Variants in TRPC5 observed in about 807,000 individuals in gnomAD.
TRPC5 encodes transient receptor potential cation channel subfamily C member 5, also known as short transient receptor potential channel 5.
In TRPC5, 9 loss-of-function variants were observed where a neutral mutation model predicts 56.5. The ratio of observed to expected loss-of-function variants is 0.16; its 90% CI spans 0.10 to 0.28. TRPC5 has a LOEUF of 0.28. Among genes scored for constraint, TRPC5 ranks in the 10% least tolerant of loss-of-function variants. The pLI, the probability that TRPC5 is intolerant of heterozygous loss-of-function variation, is 1.00. For synonymous variants in TRPC5, 282 were observed against 278.5 expected (o/e 1.01, Z -0.13); for missense variants, 469 against 748.9 (o/e 0.63, Z 4.36).
intron 2 of TRPC5, among the ~76,000 whole-genome samples, chrX:111,917,253 G>A (rs1006029502): frequency 2.7e-5 from 3 of 112,394 alleles, no homozygotes; most frequent in Admixed American, 9.4e-5. Flanking sequence ...CAGATAACCC[G>A]CTCTCGCCAG....
chrX:112,029,117 C>G (rs930706905), intron 1 of TRPC5, among the ~76,000 whole-genome samples: 23 of 110,956 alleles, frequency 2.1e-4, no homozygotes, highest in African/African-American at 7.2e-4. Context: ...GCCAATTAAC[C>G]ATCCCCACCC....
At chrX:111,886,869 T>C (rs754119653) in intron 3 of TRPC5, among the ~76,000 whole-genome samples, 1 of 112,892 alleles carries the variant, frequency 8.9e-6, no homozygotes, top group Admixed American at 9.3e-5. Context: ...TCTTCCACTA[T>C]GTTATCCTGA....
intron 2 of TRPC5, among the ~76,000 whole-genome samples, chrX:111,924,660 G>A (rs1177652871): frequency 1.8e-5 from 2 of 112,223 alleles, no homozygotes; most frequent in Non-Finnish European, 3.8e-5. Flanking sequence ...TGATACAATT[G>A]GAGGATAAGG....
chrX:111,928,368 T>C (rs1926316940), intron 2 of TRPC5, among the ~76,000 whole-genome samples: 1 of 112,229 alleles, frequency 8.9e-6, no homozygotes, highest in Admixed American at 9.4e-5. Flanking sequence ...CCAAACATAA[T>C]CTGTGACAAG....
chrX:111,876,713 C>T (rs1482202561), intron 3 of TRPC5, among the ~76,000 whole-genome samples: 1 of 111,492 alleles, frequency 9.0e-6, no homozygotes, highest in Non-Finnish European at 1.9e-5. Flanking sequence ...ACCCAGAATT[C>T]CCTGGCAATA....
chrX:111,912,632 C>T lies in TRPC5; in HGVS notation c.559G>A (p.Val187Ile). The T allele has an allele frequency of 8.3e-7, 1 of 1,211,437 alleles. No homozygotes were observed. The highest frequency in any genetic ancestry group is 1.1e-6 in the Non-Finnish European group (1 of 895,415). Residue 187 changes from valine to isoleucine, a missense_variant, in exon 3 of 11, where the codon GTA (valine) becomes ATA (isoleucine). Physicochemically the swap from Val to Ile is conservative, Grantham distance 29. Transcript: ENST00000262839. ...NCVECVSSSE[V>I]DSLRHSRSRL... ...GAGCGAGAGTGGCGCAGGCTGTCTA[C>T]CTCTGAACTAGACACACACTCCACA...
intron 3 of TRPC5, among the ~76,000 whole-genome samples, chrX:111,898,690 A>G (rs929394858): frequency 2.7e-5 from 3 of 110,788 alleles, no homozygotes; most frequent in Non-Finnish European, 5.7e-5. Flanking sequence ...AAGGTGAGAG[A>G]CAGAAAAACA....
At chrX:111,855,955 G>C (rs997456846) in intron 3 of TRPC5, among the ~76,000 whole-genome samples, 2 of 112,061 alleles carry the variant, frequency 1.8e-5, no homozygotes, top group Non-Finnish European at 3.8e-5. Flanking sequence ...GGACAAATCT[G>C]GATTGCTTAG....
At chrX:111,921,541 G>A (rs190720195) in intron 2 of TRPC5, among the ~76,000 whole-genome samples, 3 of 110,229 alleles carry the variant, frequency 2.7e-5, no homozygotes, top group African/African-American at 6.6e-5. Context: ...ATCAAATTTC[G>A]CCTTCTCTTT....
chrX:111,880,798 T>C (rs1381844852), intron 3 of TRPC5, among the ~76,000 whole-genome samples: 1 of 112,469 alleles, frequency 8.9e-6, no homozygotes, highest in East Asian at 2.8e-4. Flanking sequence ...ATGAAGCTAA[T>C]AGACAAGAAT....
intron 3 of TRPC5, among the ~76,000 whole-genome samples, chrX:111,867,241 TCTC>T (rs1401715751): frequency 9.0e-6 from 1 of 111,590 alleles, no homozygotes; most frequent in African/African-American, 3.3e-5. Context: ...ACCCCTTTGA[TCTC>T]CTGTTACCAC....
chrX:111,905,548 T>C (rs1171380322), intron 3 of TRPC5, among the ~76,000 whole-genome samples: 1 of 112,141 alleles, frequency 8.9e-6, no homozygotes, highest in Non-Finnish European at 1.9e-5. Flanking sequence ...AGGTTGGAAC[T>C]GCATTTTACA....
intron 3 of TRPC5, among the ~76,000 whole-genome samples, chrX:111,866,815 G>A: frequency 8.9e-6 from 1 of 112,580 alleles, no homozygotes; most frequent in East Asian, 2.8e-4. Context: ...TTCTACAGCT[G>A]TCTAAAGGAT....
intron 1 of TRPC5, among the ~76,000 whole-genome samples, chrX:112,056,008 A>G (rs190189795): frequency 6.2e-4 from 69 of 111,499 alleles, no homozygotes; most frequent in Middle Eastern, 4.7e-3. Flanking sequence ...GAGCATCAAG[A>G]TAGGGTGAAG....
At chrX:111,955,345 A>G (rs922320934) in intron 1 of TRPC5, among the ~76,000 whole-genome samples, 2 of 111,949 alleles carry the variant, frequency 1.8e-5, no homozygotes, top group African/African-American at 6.5e-5. Flanking sequence ...ATAATAAATC[A>G]CATGGCTAAA....
At chrX:112,012,264 G>A (rs964787882) in intron 1 of TRPC5, among the ~76,000 whole-genome samples, 1 of 111,950 alleles carries the variant, frequency 8.9e-6, no homozygotes, top group African/African-American at 3.2e-5. Flanking sequence ...GGGTTTGTCG[G>A]TAAAATGGTC....
intron 1 of TRPC5, among the ~76,000 whole-genome samples, chrX:111,969,046 T>TAACAA (rs1385443522): frequency 9.6e-6 from 1 of 104,708 alleles, no homozygotes; most frequent in African/African-American, 3.4e-5. Flanking sequence ...AATAAATAAA[T>TAACAA]AACAAAACAA....
intron 1 of TRPC5, among the ~76,000 whole-genome samples, chrX:112,038,658 G>A (rs187307672): frequency 9.0e-6 from 1 of 111,062 alleles, no homozygotes; most frequent in African/African-American, 3.3e-5. Context: ...TCTGAATCAA[G>A]TCCTATAGGG....
chrX:112,082,190 C>G lies in TRPC5; in HGVS notation c.-333G>C, dbSNP rs1930986573. ...TTCGCCAGTGCCCTGAAACTCTTTG[C>G]TCTACCAATGTCCCTACCCTGTTCT... is the stretch of plus-strand genomic sequence containing the variant. On this transcript the variant is annotated 5_prime_UTR_variant, in exon 1 of 11. Coordinates refer to ENST00000262839, the MANE Select transcript of TRPC5 (RefSeq NM_012471.3). 1 of 111,752 alleles carries G rather than the reference C, an allele frequency of 8.9e-6. No individual in the cohort carries two copies. Among genetic ancestry groups the G allele is most frequent in the Admixed American group, 9.5e-5 (1 of 10,503 alleles). The allele number at this position is 111,752 out of a possible 1,213,427, so 9.2% of individuals were successfully genotyped here.
Sources: gnomAD v4.1 joint callset for allele counts (sites outside exome capture counted in the v4.1 genomes callset) on GRCh38, gnomAD v4.1.1 for gene constraint, MANE v1.5 for transcripts, NCBI Gene and HGNC (gene_info 2026-07-23, HGNC 2026-07-21) for gene names.